The following CRIM1 variants were observed in gnomAD, a reference collection of about 807,000 sequenced individuals.
The protein encoded by CRIM1 is cysteine rich transmembrane BMP regulator 1.
In CRIM1, 32 loss-of-function variants were observed where a neutral mutation model predicts 116.4. That is an observed-to-expected ratio of 0.27 (90% CI 0.21 to 0.37). The LOEUF is 0.37. Ranked by LOEUF, CRIM1 falls within the 10% of genes least tolerant of loss-of-function variation. The pLI, the probability that CRIM1 is intolerant of heterozygous loss-of-function variation, is 1.00. For missense variants in CRIM1, 1,331 were observed against 1,354.8 expected (o/e 0.98, Z 0.28); for synonymous variants, 590 against 509.2 (o/e 1.16, Z -2.13).
intron 1 of CRIM1, among the ~76,000 whole-genome samples, chr2:36,380,708 T>A (rs1341939344): frequency 6.6e-6 from 1 of 152,224 alleles, no homozygotes; most frequent in South Asian, 2.1e-4. Context: ...ATGAAAGTGG[T>A]ATTTCTGTTC....
Position 36,479,637 on chromosome 2 carries a change from G to C in CRIM1, c.1315G>C (p.Gly439Arg). The C allele has an allele frequency of 1.2e-6, 2 of 1,614,212 alleles. No individual in the cohort carries two copies. Among genetic ancestry groups the C allele is most frequent in the Non-Finnish European group, 8.5e-7 (1 of 1,180,034 alleles). ...GERHCVATVC[G>R]QTCTNPVKVP... ...ACGCCACTGCGTTGCGACCGTCTGC[G>C]GACAGACCTGCACAAACCCTGTGAA... The change falls in exon 7 of 17, where the codon GGA (glycine) becomes CGA (arginine). Residue 439 changes from glycine to arginine, a missense_variant. Gly to Arg is a moderately radical substitution (Grantham distance 125). Coordinates refer to ENST00000280527, the MANE Select transcript of CRIM1 (RefSeq NM_016441.3).
chr2:36,383,853 A>C (rs1288816823), intron 1 of CRIM1, among the ~76,000 whole-genome samples: 1 of 152,224 alleles, frequency 6.6e-6, no homozygotes, highest in Non-Finnish European at 1.5e-5. Flanking sequence ...GGCCCATTGG[A>C]GTGAACATGC....
intron 7 of CRIM1, among the ~76,000 whole-genome samples, chr2:36,484,326 A>G (rs1679653324): frequency 6.6e-6 from 1 of 151,874 alleles, no homozygotes; most frequent in Non-Finnish European, 1.5e-5. Context: ...ATTGAGAATT[A>G]TTTGCTGATT....
chr2:36,381,690 G>A (rs1321599835), intron 1 of CRIM1, among the ~76,000 whole-genome samples: 1 of 152,230 alleles, frequency 6.6e-6, no homozygotes, highest in Non-Finnish European at 1.5e-5. Context: ...AGGAGGCTGA[G>A]GCAGGAGAAT....
At chr2:36,483,136 A>G (rs1448757516) in intron 7 of CRIM1, among the ~76,000 whole-genome samples, 15 of 151,912 alleles carry the variant, frequency 9.9e-5, no homozygotes, top group Admixed American at 9.8e-4. Flanking sequence ...ATATTCTCAC[A>G]TTTTGCTTTG....
In CRIM1 at chr2:36,400,088, A is replaced by G. The variant is rs1020506764; in HGVS notation, c.505+3301A>G. Among the ~76,000 whole-genome samples, 4 of 152,234 alleles carry G rather than the reference A, an allele frequency of 2.6e-5. No individual in the cohort carries two copies. The East Asian group carries it at 5.8e-4, about 22-fold the overall frequency. On this transcript the variant is annotated intron_variant, in intron 2 of 16. Coordinates refer to ENST00000280527, the MANE Select transcript of CRIM1 (RefSeq NM_016441.3). ...CTTGACCATTCTGGTAGAAAGAGAG[A>G]GAGGGAGTCATGGGGATTGATGATT...
At chr2:36,539,045 G>T (rs905304439) in intron 14 of CRIM1, among the ~76,000 whole-genome samples, 1 of 152,220 alleles carries the variant, frequency 6.6e-6, no homozygotes, top group Non-Finnish European at 1.5e-5. Flanking sequence ...AGCTTACGTT[G>T]TAGTAGGGAG....
intron 5 of CRIM1, among the ~76,000 whole-genome samples, chr2:36,476,513 A>C (rs942696747): frequency 6.6e-6 from 1 of 152,182 alleles, no homozygotes; most frequent in African/African-American, 2.4e-5. Context: ...AACAAAACCT[A>C]ATGTGGAGGC....
At chr2:36,440,903 T>C (rs950375616) in intron 2 of CRIM1, among the ~76,000 whole-genome samples, 1 of 152,206 alleles carries the variant, frequency 6.6e-6, no homozygotes, top group Non-Finnish European at 1.5e-5. Flanking sequence ...TCTTTTGAAT[T>C]CAAAGATCTT....
chr2:36,511,137 T>C (rs1664645972), intron 9 of CRIM1, among the ~76,000 whole-genome samples: 1 of 152,142 alleles, frequency 6.6e-6, no homozygotes, highest in Non-Finnish European at 1.5e-5. Flanking sequence ...AGATGGGGTT[T>C]CACCATGTTT....
chr2:36,414,763 G>C (rs1170268649), intron 2 of CRIM1, among the ~76,000 whole-genome samples: 1 of 152,220 alleles, frequency 6.6e-6, no homozygotes, highest in Non-Finnish European at 1.5e-5. Flanking sequence ...TTAAAGTTGT[G>C]ATGTGGCTGT....
intron 14 of CRIM1, among the ~76,000 whole-genome samples, chr2:36,539,600 C>G (rs575834237): frequency 1.6e-4 from 24 of 152,032 alleles, no homozygotes; most frequent in Non-Finnish European, 2.9e-4. Flanking sequence ...GAGAGACCAA[C>G]TTGGAGACTT....
At chr2:36,449,928 T>G (rs2124964396) in intron 4 of CRIM1, among the ~76,000 whole-genome samples, 1 of 150,846 alleles carries the variant, frequency 6.6e-6, no homozygotes, top group South Asian at 2.1e-4. Flanking sequence ...ACTACTAGAG[T>G]AATGATTTAA....
chr2:36,423,831 T>A (rs1475994939), intron 2 of CRIM1, among the ~76,000 whole-genome samples: 1 of 152,226 alleles, frequency 6.6e-6, no homozygotes, highest in African/African-American at 2.4e-5. Flanking sequence ...AAGCCATTGA[T>A]GTGTTAGTTA....
intron 2 of CRIM1, among the ~76,000 whole-genome samples, chr2:36,426,063 G>T (rs1381821248): frequency 2.0e-5 from 3 of 152,228 alleles, no homozygotes; most frequent in African/African-American, 7.2e-5. Flanking sequence ...AGAAGGCCTG[G>T]TGATGGGAGT....
intron 7 of CRIM1, among the ~76,000 whole-genome samples, chr2:36,495,471 A>G (rs368982464): frequency 2.2e-5 from 3 of 134,136 alleles, no homozygotes; most frequent in Non-Finnish European, 4.9e-5. Context: ...TTATTTATTT[A>G]TTTATTTTTT....
At chr2:36,535,132 GGAA>G (rs1666445948) in intron 13 of CRIM1, among the ~76,000 whole-genome samples, 6 of 118,674 alleles carry the variant, frequency 5.1e-5, no homozygotes, top group African/African-American at 2.1e-4. Flanking sequence ...AGGGAGGGAG[GGAA>G]GGGGAAGGAA....
rs143201264 is a variant in CRIM1 at position 36,529,252 on chromosome 2, G to A, written c.2428+6939G>A. 8.6e-4 allele frequency: 404 copies of A among 469,404 alleles called. 3 individuals carry two copies. The highest frequency in any genetic ancestry group is 7.3e-3 in the African/African-American group (365 of 50,062). 29.1% of individuals were successfully genotyped at this position (469,404 alleles called of 1,614,324 possible). On this transcript the variant is annotated intron_variant, in intron 13 of 16. Coordinates refer to ENST00000280527, the MANE Select transcript of CRIM1 (RefSeq NM_016441.3). ...GATAAGAACCCTCTGGAGACTGCTGGCAGAGTCTTCTTAACAGGACTTGGA... is the reference window on the plus strand; with the variant it reads ...GATAAGAACCCTCTGGAGACTGCTGACAGAGTCTTCTTAACAGGACTTGGA...
intron 2 of CRIM1, among the ~76,000 whole-genome samples, chr2:36,440,468 A>T (rs764589796): frequency 6.6e-6 from 1 of 152,096 alleles, no homozygotes; most frequent in Non-Finnish European, 1.5e-5. Flanking sequence ...GTCTCTTAAA[A>T]CTCAACCCAA....
Sources: allele counts gnomAD v4.1 joint callset (sites outside exome capture counted in the v4.1 genomes callset), GRCh38; gene constraint gnomAD v4.1.1; transcripts MANE v1.5; gene names NCBI Gene and HGNC (gene_info 2026-07-23, HGNC 2026-07-21).